The following ABCG2 variants were observed in gnomAD, a reference collection of about 807,000 sequenced individuals.
ABCG2 encodes ATP binding cassette subfamily G member 2 (JR blood group).
In ABCG2, 80 loss-of-function variants were observed where a neutral mutation model predicts 73.5. That is an observed-to-expected ratio of 1.09 (90% CI 0.91 to 1.31). The LOEUF is 1.31. Among genes scored for constraint, ABCG2 ranks in the 50% most tolerant of loss-of-function variants. The probability of loss-of-function intolerance (pLI) is 0.00; values close to 1 mark genes in which losing one functional copy is unlikely to be tolerated. For missense variants in ABCG2, 796 were observed against 786.2 expected (o/e 1.01, Z -0.15); for synonymous variants, 269 against 282.4 (o/e 0.95, Z 0.48).
intron 10 of ABCG2, among the ~76,000 whole-genome samples, chr4:88,106,347 A>G (rs2109993352): frequency 6.6e-6 from 1 of 152,292 alleles, no homozygotes; most frequent in African/African-American, 2.4e-5. Flanking sequence ...TACAACAGCC[A>G]AAAGGTGAAA....
At chr4:88,136,623 T>C (rs1320431629) in intron 2 of ABCG2, among the ~76,000 whole-genome samples, 2 of 152,188 alleles carry the variant, frequency 1.3e-5, no homozygotes, top group African/African-American at 4.8e-5. Context: ...ATAGGATCAC[T>C]TGAGCCCAAG....
chr4:88,180,773 TA>T (rs2110099748), intron 1 of ABCG2, among the ~76,000 whole-genome samples: 1 of 151,524 alleles, frequency 6.6e-6, no homozygotes, highest in East Asian at 2.0e-4. Context: ...GTATAATAAA[TA>T]AGGAAAAAGA....
chr4:88,188,966 T>C (rs981716976), intron 1 of ABCG2, among the ~76,000 whole-genome samples: 1 of 151,878 alleles, frequency 6.6e-6, no homozygotes, highest in Non-Finnish European at 1.5e-5. Context: ...CGAGCCAAGA[T>C]TGCGCCACTG....
chr4:88,170,194 C>T (rs551581752), intron 1 of ABCG2, among the ~76,000 whole-genome samples: 21 of 151,556 alleles, frequency 1.4e-4, no homozygotes, highest in African/African-American at 4.6e-4. Flanking sequence ...AGCTTTGAGA[C>T]AAACCACAGA....
intron 1 of ABCG2, chr4:88,223,543 A>T (rs56217544): frequency 0.071 from 10,807 of 152,238 alleles, 448 homozygotes; most frequent in Non-Finnish European, 0.1. Context: ...TTCTGCCATG[A>T]TTGTAAGTTT....
Position 88,091,969 on chromosome 4 carries a change from T to C in ABCG2, c.*265A>G. 3.4e-6 allele frequency: 1 copy of C among 291,422 alleles called. No homozygotes were observed. The highest frequency in any genetic ancestry group is 6.4e-6 in the Non-Finnish European group (1 of 157,124). 18.1% of individuals were successfully genotyped at this position (291,422 alleles called of 1,614,324 possible). On this transcript the variant is annotated 3_prime_UTR_variant, in exon 16 of 16. Transcript: ENST00000237612. ...AGTTTCCAGAATTCAATTCTCCTTT[T>C]TTAGATTAATAAATTAGACCAGATT...
At chr4:88,219,695 T>A (rs533225719) in intron 1 of ABCG2, among the ~76,000 whole-genome samples, 1 of 147,702 alleles carries the variant, frequency 6.8e-6, no homozygotes, top group Admixed American at 7.0e-5. Flanking sequence ...CATTCTCCTG[T>A]CTCAGCCTCC....
Position 88,092,207 on chromosome 4 carries a change from A to T in ABCG2, c.*27T>A, listed in dbSNP as rs1313367759. 3.8e-6 allele frequency: 6 copies of T among 1,577,926 alleles called. No individual in the cohort carries two copies. Among genetic ancestry groups the T allele is most frequent in the Non-Finnish European group, 5.2e-6 (6 of 1,159,130 alleles). On this transcript the variant is annotated 3_prime_UTR_variant, in exon 16 of 16. Transcript: ENST00000237612. The stretch of plus-strand genomic sequence containing the variant: ...CAAAGTGCTTCTTTTTTATGTGAGG[A>T]TAAATCATACTGAATTAAGGGGAAA...
chr4:88,157,489 T>TGCATGATATTATGG (rs1487250061), intron 1 of ABCG2, among the ~76,000 whole-genome samples: 2 of 152,216 alleles, frequency 1.3e-5, no homozygotes, highest in Non-Finnish European at 2.9e-5. Flanking sequence ...GCCCTTGTTA[T>TGCATGATATTATGG]GCATGATATT....
intron 1 of ABCG2, among the ~76,000 whole-genome samples, chr4:88,195,471 A>G (rs1728906001): frequency 6.6e-6 from 1 of 152,172 alleles, no homozygotes; most frequent in South Asian, 2.1e-4. Flanking sequence ...TGGCACCAAA[A>G]TATGTTAGTA....
At chr4:88,211,791 A>G (rs1417051585) in intron 1 of ABCG2, among the ~76,000 whole-genome samples, 1 of 152,210 alleles carries the variant, frequency 6.6e-6, no homozygotes, top group African/African-American at 2.4e-5. Context: ...GATACAGTCA[A>G]ACCGGTACTG....
At chr4:88,170,110 C>CAAA (rs1161275708) in intron 1 of ABCG2, among the ~76,000 whole-genome samples, 1 of 57,594 alleles carries the variant, frequency 1.7e-5, no homozygotes, top group Non-Finnish European at 4.0e-5. Flanking sequence ...GACTCCGTCT[C>CAAA]AAAAAAAAAA....
chr4:88,156,390 AAAG>A (rs1726946697), intron 1 of ABCG2, among the ~76,000 whole-genome samples: 1 of 151,428 alleles, frequency 6.6e-6, no homozygotes, highest in Non-Finnish European at 1.5e-5. Context: ...AAAAAAAAAA[AAAG>A]AAGGAAAAAG....
chr4:88,202,354 T>TACATATATATATATATATATATATA (rs1553945717), intron 1 of ABCG2, among the ~76,000 whole-genome samples: 1 of 62,086 alleles, frequency 1.6e-5, no homozygotes, highest in Non-Finnish European at 3.2e-5. Flanking sequence ...CTACAATTAT[T>TACATATATATATATATATATATATA]TATATATATA....
intron 1 of ABCG2, among the ~76,000 whole-genome samples, chr4:88,178,410 G>A: frequency 6.6e-6 from 1 of 152,168 alleles, no homozygotes; most frequent in East Asian, 1.9e-4. Flanking sequence ...ATCAGTAGCG[G>A]TACCCAGGCA....
intron 2 of ABCG2, among the ~76,000 whole-genome samples, chr4:88,139,266 TTTTTC>T (rs779102898): frequency 3.3e-5 from 5 of 152,154 alleles, no homozygotes; most frequent in African/African-American, 4.8e-5. Context: ...ACGCTTTTTC[TTTTTC>T]TTTTAAGATA....
rs113985016 is a variant in ABCG2 at position 88,217,661 on chromosome 4, C to CA, written c.-20+13332dup. On this transcript the variant is annotated intron_variant, in intron 1 of 15. Transcript: ENST00000515655. The stretch of plus-strand genomic sequence containing the variant: ...TGGGCAACAGAATGAGACCCTGCCT[C>CA]AAAAAAAAAAAAGAATGCATGGATG... Among the ~76,000 whole-genome samples, 227 of 142,494 alleles carry CA rather than the reference C, an allele frequency of 1.6e-3. 1 individual carries two copies. Among genetic ancestry groups the CA allele is most frequent in the East Asian group, 5.6e-3 (27 of 4,808 alleles). The allele number at this position is 142,494 out of a possible 152,430, so 93.5% of individuals were successfully genotyped here.
chr4:88,183,598 C>G (rs1022995975), intron 1 of ABCG2, among the ~76,000 whole-genome samples: 2 of 152,068 alleles, frequency 1.3e-5, no homozygotes, highest in Non-Finnish European at 2.9e-5. Context: ...AAGAAAAGCT[C>G]AGAACCCAAT....
chr4:88,096,179 A>G (rs1181488212), intron 13 of ABCG2, among the ~76,000 whole-genome samples: 2 of 152,370 alleles, frequency 1.3e-5, no homozygotes, highest in Non-Finnish European at 2.9e-5. Flanking sequence ...TGAGAGGTAG[A>G]GCATAAGCAG....
Sources: allele counts gnomAD v4.1 joint callset (sites outside exome capture counted in the v4.1 genomes callset), GRCh38; gene constraint gnomAD v4.1.1; transcripts MANE v1.5; gene names NCBI Gene and HGNC (gene_info 2026-07-23, HGNC 2026-07-21).